The following SEMA6D variants were observed in gnomAD, a reference collection of about 807,000 sequenced individuals.
SEMA6D encodes the protein semaphorin-6D.
In SEMA6D, 35 loss-of-function variants were observed where a neutral mutation model predicts 106.6. That is an observed-to-expected ratio of 0.33 (90% confidence interval 0.25 to 0.44). The LOEUF (loss-of-function observed/expected upper bound fraction) is 0.44, where lower values mean the gene tolerates loss of function less well. SEMA6D is among the 20% of genes least tolerant of loss of function. The pLI is 1.00. For synonymous variants in SEMA6D, 499 were observed against 487.7 expected (o/e 1.02, Z -0.31); for missense variants, 1,185 against 1,345.9 (o/e 0.88, Z 1.87).
At chr15:47,234,893 A>G (rs915514723) in intron 1 of SEMA6D, among the ~76,000 whole-genome samples, 1 of 151,964 alleles carries the variant, frequency 6.6e-6, no homozygotes, top group African/African-American at 2.4e-5. Flanking sequence ...TGAATGACAG[A>G]TCTACTTTTA....
At chr15:47,584,388 A>G (rs2076302087) in intron 3 of SEMA6D, among the ~76,000 whole-genome samples, 1 of 151,560 alleles carries the variant, frequency 6.6e-6, no homozygotes, top group Non-Finnish European at 1.5e-5. Flanking sequence ...GTGCCATTGT[A>G]CTCCAGCCTG....
At chr15:47,741,945 C>A (rs530111589) in intron 1 of SEMA6D, among the ~76,000 whole-genome samples, 1 of 152,154 alleles carries the variant, frequency 6.6e-6, no homozygotes, top group South Asian at 2.1e-4. Context: ...GAGTGTCCTG[C>A]GAGGAGAGCA....
chr15:47,416,981 G>T (rs531973862), intron 2 of SEMA6D, among the ~76,000 whole-genome samples: 2 of 152,150 alleles, frequency 1.3e-5, no homozygotes, highest in Admixed American at 1.3e-4. Flanking sequence ...TTATTTTCAA[G>T]TTTTGCATCT....
At chr15:47,379,818 C>T (rs879554710) in intron 1 of SEMA6D, among the ~76,000 whole-genome samples, 6 of 152,098 alleles carry the variant, frequency 3.9e-5, no homozygotes, top group African/African-American at 1.4e-4. Context: ...AGTGCAATGG[C>T]GCAATCTCGG....
chr15:47,688,151 A>G (rs1301133605), intron 4 of SEMA6D, among the ~76,000 whole-genome samples: 1 of 152,210 alleles, frequency 6.6e-6, no homozygotes, highest in Admixed American at 6.5e-5. Context: ...TTGAATTTAC[A>G]CTAAGTTCAT....
chr15:47,601,097 T>TGAGAGA (rs144757309), intron 4 of SEMA6D, among the ~76,000 whole-genome samples: 1 of 148,106 alleles, frequency 6.8e-6, no homozygotes, highest in African/African-American at 2.5e-5. Context: ...AGAGAGAGAA[T>TGAGAGA]GAGAGAGAGA....
chr15:47,570,207 C>T (rs1458623357), intron 3 of SEMA6D, among the ~76,000 whole-genome samples: 4 of 152,172 alleles, frequency 2.6e-5, no homozygotes. Context: ...CATCCTCAAT[C>T]CCTGCTCTGA....
intron 1 of SEMA6D, among the ~76,000 whole-genome samples, chr15:47,197,147 A>G (rs1431110806): frequency 2.0e-5 from 3 of 152,070 alleles, no homozygotes; most frequent in Non-Finnish European, 2.9e-5. Context: ...CATTAATATC[A>G]CTTTGGTACT....
chr15:47,738,719 G>T (rs1458547026), intron 1 of SEMA6D, among the ~76,000 whole-genome samples: 2 of 152,150 alleles, frequency 1.3e-5, no homozygotes, highest in African/African-American at 4.8e-5. Flanking sequence ...CATTTATCCA[G>T]CCACCATCCC....
At chr15:47,329,613 C>T (rs1047705913) in intron 1 of SEMA6D, among the ~76,000 whole-genome samples, 11 of 152,078 alleles carry the variant, frequency 7.2e-5, no homozygotes, top group Admixed American at 2.6e-4. Flanking sequence ...TTAGTTCTTG[C>T]GTTTTCCTTC....
At chr15:47,455,163 GGA>G (rs2042310510) in intron 2 of SEMA6D, among the ~76,000 whole-genome samples, 1 of 151,716 alleles carries the variant, frequency 6.6e-6, no homozygotes, top group East Asian at 1.9e-4. Context: ...TTAGAAGGAG[GGA>G]GGATTAGGAG....
Position 47,764,978 on chromosome 15 carries a change from A to C in SEMA6D, c.1349A>C (p.Lys450Thr). ...GGCTCTGAAGCTGGCATGGTACTTA[A>C]AGTTCTGGCAAAGACCAGTCCTTTC... is the stretch of plus-strand genomic sequence containing the variant. ...FVGSEAGMVLKVLAKTSPFSL... is the reference protein window; with the variant it reads ...FVGSEAGMVLTVLAKTSPFSL... The change falls in exon 13 of 19, where the codon AAA (lysine) becomes ACA (threonine). Residue 450 changes from lysine (K) to threonine (T), a missense_variant. Around this residue, in one of 3 missense-constraint regions of SEMA6D, gnomAD observed 750 missense variants for 783.5 expected, o/e 0.96. Transcript: ENST00000536845. The C allele has an allele frequency of 3.7e-6, 6 of 1,613,898 alleles. No homozygotes were observed. Among genetic ancestry groups the C allele is most frequent in the Non-Finnish European group, 5.1e-6 (6 of 1,179,854 alleles).
chr15:47,297,454 C>A (rs534234370), intron 1 of SEMA6D, among the ~76,000 whole-genome samples: 2 of 152,200 alleles, frequency 1.3e-5, no homozygotes, highest in East Asian at 1.9e-4. Context: ...TTTCTCCCCC[C>A]ACAAAAATGT....
chr15:47,454,823 C>T (rs776595776), intron 2 of SEMA6D, among the ~76,000 whole-genome samples: 3 of 151,974 alleles, frequency 2.0e-5, no homozygotes, highest in African/African-American at 2.4e-5. Flanking sequence ...ATTCCCACTA[C>T]AGCCAGGTAG....
chr15:47,310,420 T>C (rs2036404644), intron 1 of SEMA6D, among the ~76,000 whole-genome samples: 1 of 152,152 alleles, frequency 6.6e-6, no homozygotes, highest in Non-Finnish European at 1.5e-5. Context: ...ATATGACTTA[T>C]TTTAAATAGT....
chr15:47,626,432 C>A (rs925756379), intron 4 of SEMA6D, among the ~76,000 whole-genome samples: 1 of 152,158 alleles, frequency 6.6e-6, no homozygotes, highest in Non-Finnish European at 1.5e-5. Flanking sequence ...TGGCCAGTAA[C>A]CTACATGCTT....
In SEMA6D at chr15:47,441,670, T is replaced by A. The variant is rs187441365; in HGVS notation, c.-158-28804T>A. On this transcript the variant is annotated intron_variant, in intron 2 of 19. Coordinates refer to the SEMA6D transcript ENST00000558014. ...AAGATTCCAATATACTGAAATGTTT[T>A]ATGGAATCATAATCAATACATTTTA... 2.7e-3 allele frequency among the ~76,000 whole-genome samples: 404 copies of A among 152,256 alleles called. 3 individuals carry two copies. Among genetic ancestry groups the A allele is most frequent in the African/African-American group, 9.3e-3 (388 of 41,584 alleles).
intron 4 of SEMA6D, among the ~76,000 whole-genome samples, chr15:47,622,372 C>T (rs2077121769): frequency 6.6e-6 from 1 of 152,092 alleles, no homozygotes; most frequent in Non-Finnish European, 1.5e-5. Flanking sequence ...TCTAATGTTA[C>T]CTCTCTCCTC....
chr15:47,348,723 C>CAGAGAGAG (rs1258338355), intron 1 of SEMA6D, among the ~76,000 whole-genome samples: 476 of 45,572 alleles, frequency 0.01, 49 homozygotes, highest in African/African-American at 0.026. Flanking sequence ...ACACACCACA[C>CAGAGAGAG]ACACAGAGAG....
Sources: gnomAD v4.1 joint callset for allele counts (sites outside exome capture counted in the v4.1 genomes callset) on GRCh38, gnomAD v4.1.1 for gene constraint, gnomAD v4.1.1 regional missense constraint, MANE v1.5 for transcripts, NCBI Gene and HGNC (gene_info 2026-07-23, HGNC 2026-07-21) for gene names.